Variants in DLGAP2 observed in about 807,000 individuals in gnomAD.
DLGAP2 encodes disks large-associated protein 2.
Under a neutral mutation model 100.3 loss-of-function variants are expected in DLGAP2, and 26 were observed. The observed-to-expected ratio is 0.26, with a 90% CI of 0.19 to 0.36. DLGAP2 has a LOEUF of 0.36. Ranked by LOEUF, DLGAP2 falls within the 10% of genes least tolerant of loss-of-function variation. The pLI is 1.00. For missense variants in DLGAP2, 1,858 were observed against 1,453.2 expected (o/e 1.28, Z -4.53); for synonymous variants, 886 against 630.1 (o/e 1.41, Z -6.08).
intron 3 of DLGAP2, among the ~76,000 whole-genome samples, chr8:1,268,934 G>A (rs934481049): frequency 6.6e-6 from 1 of 152,186 alleles, no homozygotes; most frequent in African/African-American, 2.4e-5. Flanking sequence ...GCCAACGGCA[G>A]TGGAACCCTC....
intron 4 of DLGAP2, among the ~76,000 whole-genome samples, chr8:1,512,656 G>T (rs1025379480): frequency 6.6e-6 from 1 of 152,196 alleles, no homozygotes; most frequent in African/African-American, 2.4e-5. Flanking sequence ...AGCCAAGCAC[G>T]CTTCTTGCTG....
intron 6 of DLGAP2, among the ~76,000 whole-genome samples, chr8:1,603,967 C>G (rs535500955): frequency 2.0e-5 from 3 of 152,150 alleles, no homozygotes; most frequent in Non-Finnish European, 2.9e-5. Flanking sequence ...CCCACCTCCC[C>G]ACATACCCCA....
intron 1 of DLGAP2, among the ~76,000 whole-genome samples, chr8:852,475 A>T (rs1797199979): frequency 6.6e-6 from 1 of 152,206 alleles, no homozygotes; most frequent in African/African-American, 2.4e-5. Flanking sequence ...ATCAGCTGTA[A>T]ATTGTAATGA....
chr8:1,150,875 C>G (rs1377948475), intron 2 of DLGAP2, among the ~76,000 whole-genome samples: 1 of 152,120 alleles, frequency 6.6e-6, no homozygotes, highest in Non-Finnish European at 1.5e-5. Flanking sequence ...ATAAGTTTTT[C>G]TGACTTTAAA....
intron 3 of DLGAP2, among the ~76,000 whole-genome samples, chr8:1,468,964 C>G (rs1172465462): frequency 6.6e-6 from 1 of 152,162 alleles, no homozygotes; most frequent in Non-Finnish European, 1.5e-5. Context: ...GACCACCTTC[C>G]CTCTGTACGA....
chr8:1,392,033 T>C (rs1448127879), intron 3 of DLGAP2, among the ~76,000 whole-genome samples: 6 of 152,086 alleles, frequency 3.9e-5, no homozygotes, highest in Non-Finnish European at 5.9e-5. Context: ...AATCGCCTTA[T>C]CTATCCCCTT....
intron 3 of DLGAP2, among the ~76,000 whole-genome samples, chr8:1,327,749 C>A (rs1801055127): frequency 6.6e-6 from 1 of 152,110 alleles, no homozygotes; most frequent in Non-Finnish European, 1.5e-5. Context: ...GTGGCTGAGG[C>A]AGGAGAATGG....
chr8:869,410 C>T (rs551456902), intron 1 of DLGAP2, among the ~76,000 whole-genome samples: 4 of 152,286 alleles, frequency 2.6e-5, no homozygotes, highest in Admixed American at 2.6e-4. Context: ...TGAAAGAATG[C>T]TGCGTGTTTT....
chr8:1,134,272 C>T (rs1252514397), intron 2 of DLGAP2, among the ~76,000 whole-genome samples: 2 of 152,116 alleles, frequency 1.3e-5, no homozygotes, highest in Non-Finnish European at 2.9e-5. Context: ...CATGTTTTTG[C>T]TCTTGTGAAT....
rs528541694 is a variant in DLGAP2, at chr8:1,452,500, C to T, written c.107-48866C>T. Among the ~76,000 whole-genome samples the T allele has an allele frequency of 1.4e-4, 22 of 152,304 alleles. No homozygotes were observed. In the East Asian group the frequency reaches 4.3e-3, roughly 29 times the overall value. On this transcript the variant is annotated intron_variant, in intron 3 of 14. Transcript: ENST00000637795. ...TGGTCATCTCAGGGCCGCTAGGATG[C>T]CCGATGCTTCTGAGCTTGTGGGACA...
Position 746,304 on chromosome 8 carries a change from G to A in DLGAP2, c.18+8479G>A, listed in dbSNP as rs984149708. 4.6e-5 allele frequency among the ~76,000 whole-genome samples: 7 copies of A among 152,360 alleles called. No individual in the cohort carries two copies. In the South Asian group the frequency reaches 6.2e-4, roughly 14 times the overall value. The stretch of plus-strand genomic sequence containing the variant: ...TCCTATGTGCTGGGCACTGCTGGGC[G>A]AGTTACTCATATTAACTCATAGAAT... On this transcript the variant is annotated intron_variant, in intron 1 of 14. Transcript: ENST00000637795.
chr8:899,816 A>G (rs779894445), intron 1 of DLGAP2, among the ~76,000 whole-genome samples: 1 of 152,208 alleles, frequency 6.6e-6, no homozygotes, highest in Non-Finnish European at 1.5e-5. Flanking sequence ...TGGCTGGAGA[A>G]GCACATTCAG....
intron 2 of DLGAP2, among the ~76,000 whole-genome samples, chr8:1,018,403 A>T (rs1033837998): frequency 6.6e-6 from 1 of 152,212 alleles, no homozygotes; most frequent in African/African-American, 2.4e-5. Context: ...TCCTGCAAGC[A>T]AACCTGGTTT....
At chr8:1,534,715 C>T (rs1192044608) in intron 4 of DLGAP2, among the ~76,000 whole-genome samples, 1 of 152,114 alleles carries the variant, frequency 6.6e-6, no homozygotes, top group Admixed American at 6.5e-5. Flanking sequence ...GGTCTGAGAA[C>T]CTGCTGGTCA....
At chr8:1,201,897 T>G (rs1483883502) in intron 2 of DLGAP2, among the ~76,000 whole-genome samples, 1 of 152,062 alleles carries the variant, frequency 6.6e-6, no homozygotes, top group Non-Finnish European at 1.5e-5. Context: ...GTGGTGTGTA[T>G]GTACATGTGT....
intron 1 of DLGAP2, among the ~76,000 whole-genome samples, chr8:840,854 G>A (rs906832775): frequency 1.3e-5 from 2 of 152,064 alleles, no homozygotes; most frequent in African/African-American, 2.4e-5. Context: ...TCGTGCATTC[G>A]TCTGTGTTTT....
intron 3 of DLGAP2, among the ~76,000 whole-genome samples, chr8:1,470,382 G>A (rs1219479434): frequency 6.6e-6 from 1 of 152,182 alleles, no homozygotes; most frequent in East Asian, 1.9e-4. Flanking sequence ...GTCCACCACA[G>A]TGGGAGCTGG....
chr8:1,170,385 A>T (rs1797104193), intron 2 of DLGAP2, among the ~76,000 whole-genome samples: 1 of 152,114 alleles, frequency 6.6e-6, no homozygotes, highest in South Asian at 2.1e-4. Flanking sequence ...TATCAGGATG[A>T]TGCTGGCCTC....
intron 3 of DLGAP2, among the ~76,000 whole-genome samples, chr8:1,284,254 T>C (rs1345103449): frequency 6.6e-6 from 1 of 152,180 alleles, no homozygotes; most frequent in Non-Finnish European, 1.5e-5. Flanking sequence ...AGGAGAGATT[T>C]TTTGTTAATA....
Sources: gnomAD v4.1 joint callset for allele counts (sites outside exome capture counted in the v4.1 genomes callset) on GRCh38, gnomAD v4.1.1 for gene constraint, MANE v1.5 for transcripts, NCBI Gene and HGNC (gene_info 2026-07-23, HGNC 2026-07-21) for gene names.